Variants in PITPNC1 observed in about 807,000 individuals in gnomAD.
PITPNC1 encodes cytoplasmic phosphatidylinositol transfer protein 1.
Under a neutral mutation model 44.7 loss-of-function variants are expected in PITPNC1, and 18 were observed. The ratio of observed to expected loss-of-function variants is 0.40; its 90% confidence interval spans 0.28 to 0.60. The LOEUF (loss-of-function observed/expected upper bound fraction) is 0.60, where lower values mean the gene tolerates loss of function less well. Among genes scored for constraint, PITPNC1 ranks in the 20% least tolerant of loss-of-function variants. The probability of loss-of-function intolerance (pLI) is 0.39; values close to 1 mark genes in which losing one functional copy is unlikely to be tolerated. For synonymous variants in PITPNC1, 141 were observed against 149.6 expected, an observed-to-expected ratio of 0.94 and a Z score of 0.42; for missense variants, 290 against 418.4, an observed-to-expected ratio of 0.69 and a Z score of 2.68.
chr17:67,539,264 G>C (rs2040571213), intron 2 of PITPNC1, among the ~76,000 whole-genome samples: 1 of 152,136 alleles, frequency 6.6e-6, no homozygotes, highest in Non-Finnish European at 1.5e-5. Context: ...ACAGCAACTG[G>C]AAAAGTTGAA....
intron 1 of PITPNC1, among the ~76,000 whole-genome samples, chr17:67,481,847 CCGGACCAATAACAAT>C (rs2039708496): frequency 6.6e-6 from 1 of 150,996 alleles, no homozygotes; most frequent in African/African-American, 2.4e-5. Context: ...GATTGAGAAA[CCGGACCAATAACAAT>C]TCGAAGTAGT....
chr17:67,598,238 AAAAAGAAAAG>A (rs746181951), intron 5 of PITPNC1, among the ~76,000 whole-genome samples: 2 of 152,190 alleles, frequency 1.3e-5, no homozygotes, highest in African/African-American at 2.4e-5. Flanking sequence ...TCCGTCTCAA[AAAAAGAAAAG>A]AAAAGAAAAG....
intron 1 of PITPNC1, chr17:67,524,420 G>A (rs2040369010): frequency 6.6e-6 from 1 of 151,268 alleles, no homozygotes; most frequent in South Asian, 2.1e-4. Context: ...ACTCCAGCCT[G>A]GATGACAGAG....
In PITPNC1 at chr17:67,676,408, A is replaced by G. The variant is rs945241279; in HGVS notation, c.682+866A>G. On this transcript the variant is annotated intron_variant, in intron 8 of 8. Transcript: ENST00000581322. This position sits in a 1 kb window ranked among gnomAD's most constrained non-coding sequence, Gnocchi z 4.0. ...ATGAAAACAAGGTTAGCTTCATCCC[A>G]TGATGGATGGACCATCCTTCCCAGG... 6.6e-6 allele frequency among the ~76,000 whole-genome samples: 1 copy of G among 152,168 alleles called. No individual in the cohort carries two copies. The highest frequency in any genetic ancestry group is 2.4e-5 in the African/African-American group (1 of 41,438).
chr17:67,636,145 A>G (rs2042029019), intron 6 of PITPNC1, among the ~76,000 whole-genome samples: 1 of 152,108 alleles, frequency 6.6e-6, no homozygotes, highest in African/African-American at 2.4e-5. Context: ...AAAAATTCAA[A>G]AAATTAGCCG....
At chr17:67,673,777 C>T (rs899913587) in intron 7 of PITPNC1, among the ~76,000 whole-genome samples, 23 of 151,798 alleles carry the variant, frequency 1.5e-4, no homozygotes, top group Non-Finnish European at 2.8e-4. Context: ...GGTGAAACCC[C>T]GTCTCTACTA....
chr17:67,562,664 C>G (rs189806736), intron 4 of PITPNC1, among the ~76,000 whole-genome samples: 3 of 152,062 alleles, frequency 2.0e-5, no homozygotes, highest in Non-Finnish European at 2.9e-5. Flanking sequence ...CATACGTAAC[C>G]CTCACAAGGC....
At chr17:67,619,592 G>A (rs1017220243) in intron 5 of PITPNC1, among the ~76,000 whole-genome samples, 3 of 152,130 alleles carry the variant, frequency 2.0e-5, no homozygotes, top group African/African-American at 7.2e-5. Context: ...TACTGCCGGG[G>A]ATCCAAGGAC....
chr17:67,528,703 C>T (rs999645909), intron 1 of PITPNC1, among the ~76,000 whole-genome samples: 5 of 152,176 alleles, frequency 3.3e-5, no homozygotes, highest in Admixed American at 2.0e-4. Flanking sequence ...CGGTTCTCAG[C>T]ATTTATGTGC....
At chr17:67,519,065 C>A (rs2040292969) in intron 1 of PITPNC1, among the ~76,000 whole-genome samples, 1 of 151,614 alleles carries the variant, frequency 6.6e-6, no homozygotes, top group South Asian at 2.1e-4. Context: ...AAAAGTTCAA[C>A]ATAGAATTAC....
chr17:67,456,029 T>C (rs1567996666), intron 1 of PITPNC1, among the ~76,000 whole-genome samples: 1 of 152,228 alleles, frequency 6.6e-6, no homozygotes, highest in South Asian at 2.1e-4. Flanking sequence ...TTGTTACTTT[T>C]AAAAAACACA....
chr17:67,531,582 A>G (rs1167627083), intron 1 of PITPNC1, among the ~76,000 whole-genome samples: 2 of 152,186 alleles, frequency 1.3e-5, no homozygotes, highest in East Asian at 1.9e-4. Context: ...CTTCGGGCAC[A>G]TGTGTCTTCT....
intron 5 of PITPNC1, among the ~76,000 whole-genome samples, chr17:67,594,810 C>T (rs1469542568): frequency 6.6e-6 from 1 of 152,208 alleles, no homozygotes; most frequent in African/African-American, 2.4e-5. Context: ...AGTCATGTTA[C>T]TTCACTTCCG....
intron 4 of PITPNC1, among the ~76,000 whole-genome samples, chr17:67,571,645 A>C (rs938879636): frequency 1.7e-4 from 26 of 152,192 alleles, no homozygotes; most frequent in Non-Finnish European, 2.6e-4. Context: ...CTTGTGGTTG[A>C]AGGACGAAGG....
chr17:67,638,886 G>C (rs905561719), intron 6 of PITPNC1: 2 of 152,102 alleles, frequency 1.3e-5, no homozygotes, highest in African/African-American at 4.8e-5. Context: ...TGAGGCGGGA[G>C]GATCACTTGA....
At chr17:67,560,605 G>A (rs1259776426) in intron 4 of PITPNC1, among the ~76,000 whole-genome samples, 1 of 152,136 alleles carries the variant, frequency 6.6e-6, no homozygotes, top group Admixed American at 6.5e-5. Flanking sequence ...CAGATGTACC[G>A]CTGCCCTTGT....
chr17:67,534,950 A>G (rs1347735994), intron 2 of PITPNC1, among the ~76,000 whole-genome samples: 2 of 152,190 alleles, frequency 1.3e-5, no homozygotes, highest in Non-Finnish European at 2.9e-5. Flanking sequence ...CCCACTCCCC[A>G]GCAGCTTGAA....
chr17:67,403,752 T>C (rs1403044789), intron 1 of PITPNC1, among the ~76,000 whole-genome samples: 2 of 152,218 alleles, frequency 1.3e-5, no homozygotes, highest in African/African-American at 4.8e-5. Context: ...ACTGGCGTTA[T>C]GTCTCACGGC....
intron 2 of PITPNC1, among the ~76,000 whole-genome samples, chr17:67,537,041 C>T (rs1156486671): frequency 6.6e-6 from 1 of 152,136 alleles, no homozygotes; most frequent in African/African-American, 2.4e-5. Flanking sequence ...CATGAAAATA[C>T]TATATAAAAC....
Sources: allele counts gnomAD v4.1 joint callset (sites outside exome capture counted in the v4.1 genomes callset), GRCh38; gene constraint gnomAD v4.1.1; non-coding constraint Gnocchi (gnomAD v3.1); transcripts MANE v1.5; gene names NCBI Gene and HGNC (gene_info 2026-07-23, HGNC 2026-07-21).